The following PTPRQ variants were observed in gnomAD, a reference collection of about 807,000 sequenced individuals.
PTPRQ encodes the protein protein tyrosine phosphatase receptor type Q.
PTPRQ carries 199 observed loss-of-function variants against 246.0 expected under a neutral mutation model. The observed-to-expected ratio is 0.81, with a 90% CI of 0.72 to 0.91. The LOEUF (loss-of-function observed/expected upper bound fraction) is 0.91. Ranked by LOEUF, PTPRQ falls within the 40% of genes least tolerant of loss-of-function variation. The pLI is 0.00. For missense variants in PTPRQ, 2,624 were observed against 2,528.4 expected (o/e 1.04, Z -0.81); for synonymous variants, 869 against 853.2 (o/e 1.02, Z -0.32).
At chr12:80,586,024 G>A (rs1897606019) in intron 25 of PTPRQ, among the ~76,000 whole-genome samples, 1 of 151,534 alleles carries the variant, frequency 6.6e-6, no homozygotes, top group African/African-American at 2.4e-5. Flanking sequence ...TGAGAATGAT[G>A]ATTTCCAATT....
intron 28 of PTPRQ, 145 bp downstream of exon 28, chr12:80,610,770 T>C: frequency 1.1e-6 from 1 of 941,398 alleles, no homozygotes; most frequent in Non-Finnish European, 1.5e-6. Flanking sequence ...TCTCTGCAAC[T>C]GACAAAAAGG....
chr12:80,659,497 A>T (rs1565846475), intron 39 of PTPRQ, among the ~76,000 whole-genome samples: 1 of 152,108 alleles, frequency 6.6e-6, no homozygotes, highest in African/African-American at 2.4e-5. Context: ...CAATAAGTAG[A>T]TACAAATCAA....
In PTPRQ at chr12:80,634,960, GA is replaced by G. The variant is rs1417880374; in HGVS notation, c.5805del (p.Glu1936LysfsTer17). ...FAFARIRQKQKEGGTYSPQDA... is the reference protein window; with the variant it reads ...FAFARIRQKQXEGGTYSPQDA... ...CTTGTTTTAGAATTCGACAGAAGCA[GA>G]AAGAAGGTGGCACATACTCTCCTCA... On this transcript the variant is annotated frameshift_variant, in exon 35 of 45. Transcript: ENST00000644991. LOFTEE classifies it high-confidence loss of function. 1 of 1,550,732 alleles carries G rather than the reference GA, an allele frequency of 6.4e-7. No individual in the cohort carries two copies. Among genetic ancestry groups the G allele is most frequent in the Admixed American group, 2.0e-5 (1 of 50,904 alleles).
chr12:80,606,802 G>T (rs1479297983), intron 27 of PTPRQ, among the ~76,000 whole-genome samples: 2 of 150,814 alleles, frequency 1.3e-5, no homozygotes, highest in Non-Finnish European at 3.0e-5. Flanking sequence ...GAGCATATTT[G>T]TGAAGATTTT....
At chr12:80,555,520 C>T (rs182875679) in intron 25 of PTPRQ, among the ~76,000 whole-genome samples, 106 of 152,308 alleles carry the variant, frequency 7.0e-4, no homozygotes, top group African/African-American at 2.1e-3. Flanking sequence ...ATCCTACTTA[C>T]ATAGCTTTCC....
chr12:80,550,210 A>T (rs959596829), intron 25 of PTPRQ, among the ~76,000 whole-genome samples: 1 of 152,048 alleles, frequency 6.6e-6, no homozygotes, highest in African/African-American at 2.4e-5. Flanking sequence ...CGGGTCGTTA[A>T]GCTTTAGTCC....
At position 80,618,360 on chromosome 12, in the gene PTPRQ, TCACACACACACACACACACACACACA is replaced by T. The variant is rs3071377; in HGVS notation, c.5231-1005_5231-980del. Among the ~76,000 whole-genome samples the T allele has an allele frequency of 1.8e-3, 231 of 125,638 alleles. 1 individual carries two copies. The highest frequency in any genetic ancestry group is 6.7e-3 in the South Asian group (23 of 3,432). The allele number at this position is 125,638 out of a possible 152,430, so 82.4% of individuals were successfully genotyped here. A position where few individuals can be genotyped will look rare whatever the true frequency, so the allele number is the denominator to read the frequency against. On this transcript the variant is annotated intron_variant, in intron 30 of 44. Coordinates refer to ENST00000644991, the MANE Select transcript of PTPRQ (RefSeq NM_001145026.2). ...ACTTACTGATGCTCAAGCACTACAT[TCACACACACACACACACACACACACA>T]CACACACACACACACACAGTGAGCT...
At chr12:80,634,873 A>T in intron 34 of PTPRQ, 72 bp from the exon 35 acceptor site, 1 of 1,510,408 alleles carries the variant, frequency 6.6e-7, no homozygotes, top group Non-Finnish European at 8.9e-7. Context: ...CTTTACTTAA[A>T]AAGAAAACTA....
chr12:80,618,170 CA>C lies in PTPRQ; in HGVS notation c.5231-1207del, dbSNP rs528373294. Among the ~76,000 whole-genome samples the C allele has an allele frequency of 3.3e-3, 493 of 151,280 alleles. 2 individuals carry two copies. The highest frequency in any genetic ancestry group is 5.8e-3 in the Non-Finnish European group (390 of 67,626). On this transcript the variant is annotated intron_variant, in intron 30 of 44. Coordinates refer to ENST00000644991, the MANE Select transcript of PTPRQ (RefSeq NM_001145026.2). Reference sequence around the variant, plus strand: ...AAAAGAGTGAACTACAGAACCGAGTCAAAAAAATGTGATTCAAATGTTGATA... The same window carrying C: ...AAAAGAGTGAACTACAGAACCGAGTCAAAAAATGTGATTCAAATGTTGATA...
chr12:80,666,922 C>T (rs899476829), intron 39 of PTPRQ, among the ~76,000 whole-genome samples: 9 of 151,940 alleles, frequency 5.9e-5, no homozygotes, highest in African/African-American at 2.2e-4. Context: ...TACAATAACC[C>T]TCTAACTATT....
At chr12:80,603,369 C>T (rs1487066384) in intron 26 of PTPRQ, among the ~76,000 whole-genome samples, 4 of 151,652 alleles carry the variant, frequency 2.6e-5, no homozygotes, top group Non-Finnish European at 5.9e-5. Flanking sequence ...TCAAAAACCT[C>T]AGCGGAATCC....
intron 25 of PTPRQ, among the ~76,000 whole-genome samples, chr12:80,566,612 T>C (rs1194389113): frequency 6.6e-6 from 1 of 152,102 alleles, no homozygotes; most frequent in Non-Finnish European, 1.5e-5. Flanking sequence ...CCATCACAGC[T>C]CACTGCAGCT....
At chr12:80,637,067 C>T (rs1003797618) in intron 35 of PTPRQ, among the ~76,000 whole-genome samples, 1 of 152,092 alleles carries the variant, frequency 6.6e-6, no homozygotes, top group African/African-American at 2.4e-5. Flanking sequence ...TGAAACCAGC[C>T]TGGCTAGCAT....
At chr12:80,488,325 C>T (rs556965328) in intron 9 of PTPRQ, among the ~76,000 whole-genome samples, 2 of 152,090 alleles carry the variant, frequency 1.3e-5, no homozygotes, top group East Asian at 3.9e-4. Flanking sequence ...AGGCCATGCA[C>T]TACACTCCCC....
chr12:80,524,110 A>C (rs1410224889), intron 17 of PTPRQ, among the ~76,000 whole-genome samples: 1 of 152,156 alleles, frequency 6.6e-6, no homozygotes, highest in Non-Finnish European at 1.5e-5. Context: ...TTCCTTTAGC[A>C]TTATGTAATG....
At chr12:80,474,713 T>C (rs1893758026) in intron 8 of PTPRQ, among the ~76,000 whole-genome samples, 1 of 152,184 alleles carries the variant, frequency 6.6e-6, no homozygotes, top group South Asian at 2.1e-4. Flanking sequence ...GAATATAACA[T>C]AGGCAACAGC....
At chr12:80,628,850 G>A (rs1347524647) in intron 33 of PTPRQ, among the ~76,000 whole-genome samples, 5 of 152,100 alleles carry the variant, frequency 3.3e-5, no homozygotes, top group African/African-American at 9.7e-5. Context: ...GGGAGGAGGA[G>A]GCAGAAAATG....
intron 7 of PTPRQ, 91 bp downstream of exon 7, chr12:80,468,929 CT>C: frequency 6.8e-7 from 1 of 1,462,614 alleles, no homozygotes; most frequent in Non-Finnish European, 9.0e-7. Flanking sequence ...GTATCAGACT[CT>C]TTTTAAAAGA....
In PTPRQ at chr12:80,542,087, AG is replaced by A; in HGVS notation, c.3446-1del. The A allele has an allele frequency of 6.5e-7, 1 of 1,535,686 alleles. No individual in the cohort carries two copies. The highest frequency in any genetic ancestry group is 8.7e-7 in the Non-Finnish European group (1 of 1,143,398). On this transcript the variant is annotated splice_acceptor_variant, in intron 21 of 44. Coordinates refer to ENST00000644991, the MANE Select transcript of PTPRQ (RefSeq NM_001145026.2). LOFTEE classifies it high-confidence loss of function. The stretch of plus-strand genomic sequence containing the variant: ...ATTTAATATTCTCTTTTTCTTTTAT[AG>A]TCCCAGAAACTTCACCAATAATCAA...
Sources: gnomAD v4.1 joint callset for allele counts (sites outside exome capture counted in the v4.1 genomes callset) on GRCh38, gnomAD v4.1.1 for gene constraint, MANE v1.5 for transcripts, NCBI Gene and HGNC (gene_info 2026-07-23, HGNC 2026-07-21) for gene names.